ZNF407: variants seen among roughly 807,000 people sequenced by gnomAD.
ZNF407 encodes the protein zinc finger protein 407.
In ZNF407, 17 loss-of-function variants were observed where a neutral mutation model predicts 131.2. That is an observed-to-expected ratio of 0.13 (90% CI 0.09 to 0.19). ZNF407 has a LOEUF of 0.19. Ranked by LOEUF, ZNF407 falls within the 10% of genes least tolerant of loss-of-function variation. The pLI is 1.00. For missense variants in ZNF407, 2,681 were observed against 2,830.6 expected (o/e 0.95, Z 1.20); for synonymous variants, 1,156 against 1,062.0 (o/e 1.09, Z -1.72).
intron 3 of ZNF407, among the ~76,000 whole-genome samples, chr18:74,755,722 T>C (rs1408443724): frequency 1.6e-5 from 2 of 122,800 alleles, no homozygotes; most frequent in East Asian, 5.2e-4. Context: ...CCTCTCTTCT[T>C]TCTTTCCTTT....
At chr18:74,980,238 G>C (rs1972573144) in intron 8 of ZNF407, among the ~76,000 whole-genome samples, 1 of 148,540 alleles carries the variant, frequency 6.7e-6, no homozygotes. Context: ...TGACATCTCT[G>C]TAACCCCTTC....
chr18:74,727,457 A>G (rs1218387402), intron 3 of ZNF407, among the ~76,000 whole-genome samples: 2 of 152,068 alleles, frequency 1.3e-5, no homozygotes, highest in Non-Finnish European at 2.9e-5. Context: ...GTTTGCGTTG[A>G]GTATTAGATA....
At chr18:74,650,364 T>C (rs1178799414) in intron 3 of ZNF407, among the ~76,000 whole-genome samples, 2 of 152,194 alleles carry the variant, frequency 1.3e-5, no homozygotes, top group Non-Finnish European at 2.9e-5. Flanking sequence ...GCCTAGTCAC[T>C]TTAAGGGATG....
chr18:74,801,846 C>G (rs1293721685), intron 4 of ZNF407, among the ~76,000 whole-genome samples: 1 of 152,194 alleles, frequency 6.6e-6, no homozygotes, highest in Non-Finnish European at 1.5e-5. Context: ...GTGAATTACT[C>G]TGTATGAACA....
At chr18:74,639,980 A>C (rs1023535607) in intron 2 of ZNF407, among the ~76,000 whole-genome samples, 2 of 152,112 alleles carry the variant, frequency 1.3e-5, no homozygotes, top group Non-Finnish European at 2.9e-5. Context: ...TAAAGTTCAC[A>C]TATTTCGTGT....
chr18:74,920,612 A>G lies in ZNF407; in HGVS notation c.5348A>G (p.Asn1783Ser). 6.2e-7 allele frequency: 1 copy of G among 1,611,850 alleles called. No individual in the cohort carries two copies. The highest frequency in any genetic ancestry group is 2.2e-5 in the East Asian group (1 of 44,852). Residue 1783 changes from asparagine (N) to serine (S), a missense_variant, in exon 8 of 9, where the codon AAC (asparagine) becomes AGC (serine). By Grantham distance (46) the Asn-to-Ser change is conservative (BLOSUM62 1). This residue lies in a region of ZNF407 where 39 missense variants were observed against 91.8 expected (regional missense o/e 0.42). Transcript: ENST00000299687. The stretch of plus-strand genomic sequence containing the variant: ...TGTCCCAAGTGTGACTACGGGACCA[A>G]CGTCCCGGTGGAGTTCCGGAACCAT... ...YNCPKCDYGT[N>S]VPVEFRNHLK...
intron 3 of ZNF407, among the ~76,000 whole-genome samples, chr18:74,737,860 A>C (rs1168579845): frequency 6.6e-6 from 1 of 152,198 alleles, no homozygotes; most frequent in Non-Finnish European, 1.5e-5. Context: ...TGTCATTTAT[A>C]ATATTAATCA....
chr18:74,835,871 G>C (rs1053579505), intron 4 of ZNF407, among the ~76,000 whole-genome samples: 5 of 152,130 alleles, frequency 3.3e-5, no homozygotes, highest in Non-Finnish European at 7.3e-5. Flanking sequence ...AGTGAGATCA[G>C]CTCACAGGTA....
At chr18:75,011,943 T>C (rs1268453440) in intron 8 of ZNF407, among the ~76,000 whole-genome samples, 1 of 152,168 alleles carries the variant, frequency 6.6e-6, no homozygotes, top group Non-Finnish European at 1.5e-5. Context: ...AAAATTTACA[T>C]AGTCATTGAG....
At chr18:74,875,854 A>G (rs1217614907) in intron 4 of ZNF407, among the ~76,000 whole-genome samples, 1 of 152,194 alleles carries the variant, frequency 6.6e-6, no homozygotes, top group Non-Finnish European at 1.5e-5. Context: ...GGCAATTCTT[A>G]AATATTTAAC....
At chr18:74,811,524 G>A (rs1439036834) in intron 4 of ZNF407, among the ~76,000 whole-genome samples, 1 of 152,128 alleles carries the variant, frequency 6.6e-6, no homozygotes, top group East Asian at 1.9e-4. Context: ...CCATTACTGG[G>A]TATATACCCA....
At chr18:74,927,943 A>G (rs1431498452) in intron 8 of ZNF407, among the ~76,000 whole-genome samples, 1 of 152,196 alleles carries the variant, frequency 6.6e-6, no homozygotes, top group African/African-American at 2.4e-5. Flanking sequence ...TATCATTTAA[A>G]TAATGTATTT....
chr18:74,863,969 A>G (rs1218158655), intron 4 of ZNF407, among the ~76,000 whole-genome samples: 1 of 152,108 alleles, frequency 6.6e-6, no homozygotes, highest in Non-Finnish European at 1.5e-5. Flanking sequence ...ACTATCTTAG[A>G]CAAATTAAAT....
chr18:74,752,091 T>A (rs1218479793), intron 3 of ZNF407, among the ~76,000 whole-genome samples: 4 of 152,218 alleles, frequency 2.6e-5, no homozygotes, highest in Non-Finnish European at 5.9e-5. Flanking sequence ...GGTATCTCAT[T>A]GTGGTTTTGA....
chr18:74,919,835 G>A (rs1349627915), intron 7 of ZNF407, among the ~76,000 whole-genome samples: 1 of 152,232 alleles, frequency 6.6e-6, no homozygotes, highest in Non-Finnish European at 1.5e-5. Context: ...TTCAGGGCTT[G>A]CATTTCTAAT....
intron 4 of ZNF407, among the ~76,000 whole-genome samples, chr18:74,783,465 C>T (rs1969645787): frequency 6.6e-6 from 1 of 151,782 alleles, no homozygotes; most frequent in African/African-American, 2.4e-5. Flanking sequence ...CATATATGTG[C>T]ATGTATGTAT....
chr18:74,804,915 T>G (rs1204862458), intron 4 of ZNF407, among the ~76,000 whole-genome samples: 1 of 152,244 alleles, frequency 6.6e-6, no homozygotes, highest in Admixed American at 6.5e-5. Context: ...TCATCAATCC[T>G]CACTGTTAAC....
intron 4 of ZNF407, among the ~76,000 whole-genome samples, chr18:74,793,928 G>T (rs1277878506): frequency 6.6e-6 from 1 of 152,192 alleles, no homozygotes; most frequent in Non-Finnish European, 1.5e-5. Flanking sequence ...AGGCTTTCAG[G>T]CAGCTGACTT....
At chr18:74,740,669 C>T (rs1968528650) in intron 3 of ZNF407, among the ~76,000 whole-genome samples, 1 of 152,058 alleles carries the variant, frequency 6.6e-6, no homozygotes, top group Admixed American at 6.5e-5. Flanking sequence ...GGATTTTTGG[C>T]AAGAGGGGCT....
Sources: allele counts gnomAD v4.1 joint callset (sites outside exome capture counted in the v4.1 genomes callset), GRCh38; gene constraint gnomAD v4.1.1; regional missense constraint gnomAD v4.1.1; transcripts MANE v1.5; gene names NCBI Gene and HGNC (gene_info 2026-07-23, HGNC 2026-07-21).